Variants in VPS13D observed in about 807,000 individuals in gnomAD.
VPS13D encodes intermembrane lipid transfer protein VPS13D.
Under a neutral mutation model 461.9 loss-of-function variants are expected in VPS13D, and 187 were observed. The ratio of observed to expected loss-of-function variants is 0.40; its 90% CI spans 0.36 to 0.46. The LOEUF is 0.46. Ranked by LOEUF, VPS13D falls within the 20% of genes least tolerant of loss-of-function variation. The pLI is 0.60. For missense variants in VPS13D, 4,711 were observed against 5,364.9 expected (o/e 0.88, Z 3.81); for synonymous variants, 1,951 against 1,986.3 (o/e 0.98, Z 0.47).
At chr1:12,313,883 T>C (rs1311747612) in intron 29 of VPS13D, among the ~76,000 whole-genome samples, 1 of 152,224 alleles carries the variant, frequency 6.6e-6, no homozygotes, top group Non-Finnish European at 1.5e-5. Flanking sequence ...GCCGTTCCTA[T>C]GAACAAGATC....
chr1:12,396,402 A>C (rs1450778098), intron 60 of VPS13D, among the ~76,000 whole-genome samples: 1 of 152,138 alleles, frequency 6.6e-6, no homozygotes, highest in East Asian at 1.9e-4. Flanking sequence ...CGGAGTTCTG[A>C]AAAAGTCGAC....
At chr1:12,236,791 A>T (rs1006188274) in intron 2 of VPS13D, among the ~76,000 whole-genome samples, 2 of 152,128 alleles carry the variant, frequency 1.3e-5, no homozygotes, top group African/African-American at 4.8e-5. Context: ...TAGCTAAACT[A>T]TGTGTTTGAA....
chr1:12,391,302 C>T (rs1644423752), intron 60 of VPS13D, among the ~76,000 whole-genome samples: 1 of 152,208 alleles, frequency 6.6e-6, no homozygotes, highest in South Asian at 2.1e-4. Flanking sequence ...GCATATCGTG[C>T]AGAACCATTT....
chr1:12,362,994 G>C (rs1294603496), intron 51 of VPS13D, 78 bp from the exon 52 acceptor site: 3 of 1,586,516 alleles, frequency 1.9e-6, no homozygotes, highest in South Asian at 2.3e-5. Flanking sequence ...AGAGGGTAAG[G>C]CTCAGAGTAG....
In VPS13D at chr1:12,256,992, A is replaced by C. The variant is rs1386913842; in HGVS notation, c.846A>C (p.Gln282His). The change falls in exon 9 of 70, where the codon CAA becomes CAC. Residue 282 changes from glutamine to histidine, a missense_variant. By Grantham distance (24) the Gln-to-His change is conservative. Transcript: ENST00000620676. ...TCTTAACCTCTAATACAAAGCTGCA[A>C]TACCGGCAAATCATGGAATTCCTCA... ...ETIPLKLSQL[Q>H]YRQIMEFLKE... is the part of the protein sequence containing the mutation. The C allele has an allele frequency of 6.2e-7, 1 of 1,614,182 alleles. No homozygotes were observed. The highest frequency in any genetic ancestry group is 1.1e-5 in the South Asian group (1 of 91,084).
rs1229232036 is a variant in VPS13D, at chr1:12,492,238, C to T, written c.12663-5262C>T. On this transcript the variant is annotated intron_variant, in intron 67 of 69. Transcript: ENST00000620676. Reference sequence around the variant, plus strand: ...CCAATGGCAGGATCTGCAGCTACTCCACTTTTTTAAATTTATTAATTTATG... The same window carrying T: ...CCAATGGCAGGATCTGCAGCTACTCTACTTTTTTAAATTTATTAATTTATG... Among the ~76,000 whole-genome samples the T allele has an allele frequency of 3.3e-5, 5 of 152,328 alleles. No homozygotes were observed. The East Asian group carries it at 5.8e-4, about 18-fold the overall frequency.
intron 64 of VPS13D, among the ~76,000 whole-genome samples, chr1:12,415,507 A>G (rs1168549712): frequency 1.3e-5 from 2 of 152,186 alleles, no homozygotes; most frequent in Non-Finnish European, 2.9e-5. Flanking sequence ...CTTTAATAAT[A>G]ACAAAATAAT....
In VPS13D at chr1:12,288,325, G is replaced by C; in HGVS notation, c.5725+12G>C. The C allele has an allele frequency of 6.2e-7, 1 of 1,613,116 alleles. No individual in the cohort carries two copies. The highest frequency in any genetic ancestry group is 8.5e-7 in the Non-Finnish European group (1 of 1,179,100). On this transcript the variant is annotated intron_variant, in intron 22 of 69. Transcript: ENST00000620676. ...CCTGGAAATGATTGGTAAGTGGTGGGGGGTGGAGGGAAGCAAACTTGCAAA... is the reference window on the plus strand; with the variant it reads ...CCTGGAAATGATTGGTAAGTGGTGGCGGGTGGAGGGAAGCAAACTTGCAAA...
intron 67 of VPS13D, among the ~76,000 whole-genome samples, chr1:12,488,669 CAAAAAAAA>C (rs79424685): frequency 0.011 from 909 of 82,826 alleles, 6 homozygotes; most frequent in Non-Finnish European, 0.015. Context: ...TCATTTGAAC[CAAAAAAAA>C]AAAAAAAAAA....
At position 12,497,357 on chromosome 1, in the gene VPS13D, C is replaced by T; in HGVS notation, c.12663-143C>T. 5.4e-6 allele frequency: 5 copies of T among 923,460 alleles called. No homozygotes were observed. The South Asian group carries it at 9.8e-5, about 18-fold the overall frequency. The allele number at this position is 923,460 out of a possible 1,614,324, so 57.2% of individuals were successfully genotyped here. ...TTTAACCGCTATTTCATGGTGTATTCACAGGCAGTACTGTAGGTTAATTCT... is the reference window on the plus strand; with the variant it reads ...TTTAACCGCTATTTCATGGTGTATTTACAGGCAGTACTGTAGGTTAATTCT... On this transcript the variant is annotated intron_variant, in intron 67 of 69. Transcript: ENST00000620676.
intron 13 of VPS13D, among the ~76,000 whole-genome samples, chr1:12,266,119 T>C (rs979901961): frequency 3.4e-4 from 52 of 152,138 alleles, no homozygotes; most frequent in Non-Finnish European, 1.2e-4. Context: ...GAGCTATGAT[T>C]GCACCACTGC....
chr1:12,245,123 A>G (rs1283106376), intron 5 of VPS13D, among the ~76,000 whole-genome samples: 2 of 152,142 alleles, frequency 1.3e-5, no homozygotes, highest in Non-Finnish European at 2.9e-5. Context: ...TCTGGTGGCA[A>G]TTTGACGAGT....
At chr1:12,253,186 CAA>C (rs1640797185) in intron 6 of VPS13D, among the ~76,000 whole-genome samples, 1 of 151,108 alleles carries the variant, frequency 6.6e-6, no homozygotes, top group Non-Finnish European at 1.5e-5. Flanking sequence ...TTCTGTATAA[CAA>C]TGATTTACAT....
chr1:12,268,675 T>TC (rs1390262262), intron 15 of VPS13D, 31 bp from the exon 16 acceptor site: 7 of 1,600,812 alleles, frequency 4.4e-6, no homozygotes, highest in Non-Finnish European at 6.0e-6. Flanking sequence ...TTTGCCTTGT[T>TC]CCGTGTTCTT....
chr1:12,257,647 T>G (rs1640962412), intron 9 of VPS13D, among the ~76,000 whole-genome samples: 1 of 152,248 alleles, frequency 6.6e-6, no homozygotes, highest in African/African-American at 2.4e-5. Flanking sequence ...TACCTTACAG[T>G]CAGCCTTCGA....
chr1:12,277,516 C>T lies in VPS13D; in HGVS notation c.3928C>T (p.Leu1310=). The T allele has an allele frequency of 6.2e-7, 1 of 1,614,064 alleles. No individual in the cohort carries two copies. The highest frequency in any genetic ancestry group is 8.5e-7 in the Non-Finnish European group (1 of 1,180,024). ...GGAGTTGACGTTATCCATGGATGAACTGGAAGAAAATTTTCGAGGTATGCT... is the reference window on the plus strand; with the variant it reads ...GGAGTTGACGTTATCCATGGATGAATTGGAAGAAAATTTTCGAGGTATGCT... The part of the protein sequence containing the change: ...LKELTLSMDE[L]EENFRGMLKS... Residue 1310 remains leucine, a synonymous_variant, in exon 19 of 70, where the codon CTG becomes TTG. Transcript: ENST00000620676.
chr1:12,464,068 G>T (rs1013996875), intron 67 of VPS13D, among the ~76,000 whole-genome samples: 2 of 152,212 alleles, frequency 1.3e-5, no homozygotes, highest in Non-Finnish European at 2.9e-5. Flanking sequence ...TTGTTCTGAT[G>T]ACACTGTATC....
intron 46 of VPS13D, among the ~76,000 whole-genome samples, chr1:12,349,822 A>G (rs1188550980): frequency 2.6e-5 from 4 of 152,136 alleles, no homozygotes; most frequent in Non-Finnish European, 1.5e-5. Flanking sequence ...AAATTGCCTA[A>G]CCATTTAAAC....
chr1:12,381,513 G>T (rs368032266), intron 57 of VPS13D, among the ~76,000 whole-genome samples: 1 of 152,168 alleles, frequency 6.6e-6, no homozygotes, highest in East Asian at 1.9e-4. Context: ...GAAGGACTCC[G>T]TACTTCTATA....
Sources: allele counts gnomAD v4.1 joint callset (sites outside exome capture counted in the v4.1 genomes callset), GRCh38; gene constraint gnomAD v4.1.1; transcripts MANE v1.5; gene names NCBI Gene and HGNC (gene_info 2026-07-23, HGNC 2026-07-21).